The following PKNOX1 variants were observed in gnomAD, a reference collection of about 807,000 sequenced individuals.
PKNOX1 encodes PBX/knotted 1 homeobox 1.
PKNOX1 carries 15 observed loss-of-function variants against 51.9 expected under a neutral mutation model. That is an observed-to-expected ratio of 0.29 (90% CI 0.19 to 0.45). The LOEUF (loss-of-function observed/expected upper bound fraction) is 0.45, where lower values mean the gene tolerates loss of function less well. Among genes scored for constraint, PKNOX1 ranks in the 20% least tolerant of loss-of-function variants. The pLI is 1.00. For missense variants in PKNOX1, 462 were observed against 547.5 expected (o/e 0.84, Z 1.56); for synonymous variants, 219 against 211.1 (o/e 1.04, Z -0.32).
Position 42,984,210 on chromosome 21 carries a change from G to A in PKNOX1, c.-57+9546G>A, listed in dbSNP as rs1050945271. 2.0e-5 allele frequency among the ~76,000 whole-genome samples: 3 copies of A among 152,076 alleles called. No homozygotes were observed. The South Asian group carries it at 6.2e-4, about 32-fold the overall frequency. On this transcript the variant is annotated intron_variant, in intron 1 of 10. Transcript: ENST00000291547. ...CTGCCTCAGCCTCCCAAGGAGCTGG[G>A]ACTTAAAGACATGGGCCCCTGTGCC...
rs370994 is a variant in PKNOX1, at chr21:42,990,615, C to G, written c.-56-13711C>G. On this transcript the variant is annotated intron_variant, in intron 1 of 10. Transcript: ENST00000291547. The stretch of plus-strand genomic sequence containing the variant: ...AGATGTTTTCCTTCTACCCATCTTA[C>G]GTTCATTGGCTGGGGCTCCTGGAAC... 5.3e-5 allele frequency among the ~76,000 whole-genome samples: 8 copies of G among 152,250 alleles called. No homozygotes were observed. The South Asian group carries it at 6.2e-4, about 12-fold the overall frequency.
chr21:42,981,706 C>T (rs183022166), intron 1 of PKNOX1, among the ~76,000 whole-genome samples: 7 of 152,272 alleles, frequency 4.6e-5, no homozygotes, highest in African/African-American at 1.4e-4. Context: ...ATTACAGGCA[C>T]GTGTCATCAC....
Position 43,016,976 on chromosome 21 carries a change from G to A in PKNOX1, c.591G>A (p.Gln197=). The A allele has an allele frequency of 6.2e-7, 1 of 1,612,856 alleles. No individual in the cohort carries two copies. Among genetic ancestry groups the A allele is most frequent in the Non-Finnish European group, 8.5e-7 (1 of 1,179,730 alleles). Residue 197 remains glutamine (Q), a synonymous_variant, in exon 6 of 11, where the codon CAG becomes CAA. Coordinates refer to ENST00000291547, the MANE Select transcript of PKNOX1 (RefSeq NM_004571.5). ...TTGTGGTGCCGGCGTCCGCGCTGCA[G>A]CAGGGAAACGTAGCCATGGCGACGG... The part of the protein sequence containing the change: ...QGIVVPASAL[Q]QGNVAMATVA...
chr21:43,007,866 C>A (rs2146266525), intron 3 of PKNOX1, among the ~76,000 whole-genome samples: 1 of 151,982 alleles, frequency 6.6e-6, no homozygotes, highest in Admixed American at 6.6e-5. Context: ...GAGTTTGAGA[C>A]CAGCCTGGCC....
chr21:43,022,833 G>A (rs1391049330), intron 8 of PKNOX1, among the ~76,000 whole-genome samples: 2 of 152,054 alleles, frequency 1.3e-5, no homozygotes, highest in African/African-American at 2.4e-5. Context: ...CTAAGCAGTC[G>A]GGAGGTTTAG....
chr21:43,021,319 A>G lies in PKNOX1; in HGVS notation c.737A>G (p.Asn246Ser). The G allele has an allele frequency of 1.9e-6, 3 of 1,607,702 alleles. No individual in the cohort carries two copies. Among genetic ancestry groups the G allele is most frequent in the South Asian group, 2.2e-5 (2 of 90,144 alleles). ...CTTTAAAAGCTTCAGTTACAGTTAAACCAAGATCTCAGCATCTTGCATCAA... is the reference window on the plus strand; with the variant it reads ...CTTTAAAAGCTTCAGTTACAGTTAAGCCAAGATCTCAGCATCTTGCATCAA... ...IQNSQLQLQL[N>S]QDLSILHQDD... The change falls in exon 8 of 11, where the codon AAC becomes AGC. Residue 246 changes from asparagine (N) to serine (S), a missense_variant. Around this residue, in one of 5 missense-constraint regions of PKNOX1, gnomAD observed 126 missense variants for 128.1 expected, o/e 0.98. Coordinates refer to ENST00000291547, the MANE Select transcript of PKNOX1 (RefSeq NM_004571.5). The surrounding 1 kb of genome is among the most constrained non-coding windows in gnomAD (Gnocchi z 4.6).
Position 42,975,433 on chromosome 21 carries a change from G to A in PKNOX1, c.-57+769G>A, listed in dbSNP as rs1411176179. 2.0e-5 allele frequency among the ~76,000 whole-genome samples: 3 copies of A among 152,288 alleles called. No homozygotes were observed. The East Asian group carries it at 5.8e-4, about 29-fold the overall frequency. On this transcript the variant is annotated intron_variant, in intron 1 of 10. Transcript: ENST00000291547. ...GTCCCGGGAATTGGTGGGAAGAGCC[G>A]CTTCTGTCACACGGGTCGTGGTAAT...
chr21:43,027,561 A>C lies in PKNOX1; in HGVS notation c.927-1141A>C, dbSNP rs375562676. On this transcript the variant is annotated intron_variant, in intron 9 of 10. Transcript: ENST00000291547. Reference sequence around the variant, plus strand: ...ACTGAAGACAGCAGCCTTTAATCTTAATGTATTTTGAGATTGCTATCATAC... The same window carrying C: ...ACTGAAGACAGCAGCCTTTAATCTTCATGTATTTTGAGATTGCTATCATAC... 5.3e-5 allele frequency among the ~76,000 whole-genome samples: 8 copies of C among 152,278 alleles called. No individual in the cohort carries two copies. In the South Asian group the frequency reaches 6.2e-4, roughly 12 times the overall value.
chr21:42,994,604 A>G, intron 1 of PKNOX1, among the ~76,000 whole-genome samples: 1 of 151,930 alleles, frequency 6.6e-6, no homozygotes, highest in Admixed American at 6.6e-5. Context: ...TGCTACCTAG[A>G]TTCAACAGTT....
In PKNOX1 at chr21:43,013,158, G is replaced by A; in HGVS notation, c.442G>A (p.Ala148Thr). 6.2e-7 allele frequency: 1 copy of A among 1,613,938 alleles called. No homozygotes were observed. Among genetic ancestry groups the A allele is most frequent in the Non-Finnish European group, 8.5e-7 (1 of 1,179,878 alleles). Reference protein sequence around the residue: ...LCKDFCSRYIACLKTKMNSET... With the variant: ...LCKDFCSRYITCLKTKMNSET... ...CAAAGATTTCTGCAGTCGATACATT[G>A]CTTGTCTGAAAACAAAAATGAACAG... is the stretch of plus-strand genomic sequence containing the variant. Residue 148 changes from alanine (A) to threonine (T), a missense_variant, in exon 5 of 11, where the codon GCT becomes ACT. Physicochemically the swap from Ala to Thr is moderately conservative, Grantham distance 58 (BLOSUM62 0). Coordinates refer to ENST00000291547, the MANE Select transcript of PKNOX1 (RefSeq NM_004571.5).
chr21:43,022,577 G>A (rs373330025), intron 8 of PKNOX1, among the ~76,000 whole-genome samples: 5 of 152,152 alleles, frequency 3.3e-5, no homozygotes, highest in East Asian at 1.9e-4. Flanking sequence ...GGTCTCCACC[G>A]AGCCGCTTCC....
chr21:42,976,214 A>G (rs1029253625), intron 1 of PKNOX1, among the ~76,000 whole-genome samples: 1 of 151,840 alleles, frequency 6.6e-6, no homozygotes, highest in Non-Finnish European at 1.5e-5. Flanking sequence ...ATTACAGTAT[A>G]CTACTTAAAG....
At position 42,974,609 on chromosome 21, in the gene PKNOX1, A is replaced by C. The variant is rs2058981747; in HGVS notation, c.-112A>C. ...CGTGACGGTTGGACGCGGGCGCGGC[A>C]CTGCGGGTCCCGATTGCTGCAGCCG... On this transcript the variant is annotated 5_prime_UTR_variant, in exon 1 of 11. Coordinates refer to ENST00000291547, the MANE Select transcript of PKNOX1 (RefSeq NM_004571.5). 1 of 152,590 alleles carries C rather than the reference A, an allele frequency of 6.6e-6. No homozygotes were observed. The highest frequency in any genetic ancestry group is 1.5e-5 in the Non-Finnish European group (1 of 68,204). The allele number at this position is 152,590 out of a possible 1,614,324, so 9.5% of individuals were successfully genotyped here.
At chr21:42,976,203 A>G (rs968682721) in intron 1 of PKNOX1, among the ~76,000 whole-genome samples, 1 of 152,110 alleles carries the variant, frequency 6.6e-6, no homozygotes, top group African/African-American at 2.4e-5. Flanking sequence ...TGAAAGTTGT[A>G]ATTACAGTAT....
chr21:43,010,019 C>T (rs375918969), intron 3 of PKNOX1, 34 bp from the exon 4 acceptor site: 20 of 1,419,280 alleles, frequency 1.4e-5, no homozygotes, highest in African/African-American at 1.0e-4. Context: ...AGATGTAGAA[C>T]GTAAATGGAT....
chr21:43,003,984 T>C (rs1457665579), intron 1 of PKNOX1: 1 of 169,826 alleles, frequency 5.9e-6, no homozygotes, highest in East Asian at 1.7e-4. Context: ...ATGCCTGTAA[T>C]CCCAGCACTT....
chr21:43,013,490 T>C (rs1381139681), intron 5 of PKNOX1, among the ~76,000 whole-genome samples: 1 of 152,250 alleles, frequency 6.6e-6, no homozygotes, highest in Non-Finnish European at 1.5e-5. Flanking sequence ...TTTCTTTCTT[T>C]TATTTCTTCT....
At chr21:42,982,242 C>T (rs564249410) in intron 1 of PKNOX1, among the ~76,000 whole-genome samples, 13 of 152,130 alleles carry the variant, frequency 8.5e-5, no homozygotes, top group Non-Finnish European at 1.9e-4. Context: ...CAAGGAAGGC[C>T]CCCTTTGAGC....
intron 1 of PKNOX1, among the ~76,000 whole-genome samples, chr21:42,975,655 C>T (rs1327651354): frequency 2.0e-5 from 3 of 152,242 alleles, no homozygotes; most frequent in East Asian, 1.9e-4. Context: ...ATGGCGGATT[C>T]CTGACGGGAG....
Sources: gnomAD v4.1 joint callset for allele counts (sites outside exome capture counted in the v4.1 genomes callset) on GRCh38, gnomAD v4.1.1 for gene constraint, gnomAD v4.1.1 regional missense constraint, Gnocchi (gnomAD v3.1) non-coding constraint, MANE v1.5 for transcripts, NCBI Gene and HGNC (gene_info 2026-07-23, HGNC 2026-07-21) for gene names.